Variants in EPPK1 observed in about 807,000 individuals in gnomAD.
EPPK1 encodes the protein epiplakin 1.
For synonymous variants in EPPK1, 1,862 were observed against 1,721.2 expected (o/e 1.08, Z -2.03); for missense variants, 3,823 against 3,673.3 (o/e 1.04, Z -1.05).
Position 143,866,802 on chromosome 8 carries a change from A to C in EPPK1, c.6452T>G (p.Leu2151Arg). The change falls in exon 2 of 2, where the codon CTG (leucine) becomes CGG (arginine). Residue 2151 changes from leucine (L) to arginine (R), a missense_variant. Coordinates refer to ENST00000615648, the MANE Select transcript of EPPK1 (RefSeq NM_031308.4). ...RMYRTHTRRALQTVAQLILEL... is the reference protein window; with the variant it reads ...RMYRTHTRRARQTVAQLILEL... Reference sequence around the variant, plus strand: ...TAAGATGAGCTGCGCTACCGTCTGCAGTGCCCGTCTGGTGTGTGTTCTATA... The same window carrying C: ...TAAGATGAGCTGCGCTACCGTCTGCCGTGCCCGTCTGGTGTGTGTTCTATA... 6.2e-7 allele frequency: 1 copy of C among 1,613,428 alleles called. No homozygotes were observed. The highest frequency in any genetic ancestry group is 1.1e-5 in the South Asian group (1 of 91,078).
Position 143,869,318 on chromosome 8 carries a change from C to T in EPPK1, c.3936G>A (p.Glu1312=), listed in dbSNP as rs1554660302. The change falls in exon 2 of 2, where the codon GAG becomes GAA. Residue 1312 remains glutamate, a synonymous_variant. Transcript: ENST00000615648. ...DAVKVGLVGR[E]LSEQLGQAER... ...CGGCCTGCCCGAGCTGCTCACTCAG[C>T]TCCCTGCCCACCAGGCCGACCTTAA... The T allele has an allele frequency of 6.2e-7, 1 of 1,606,274 alleles. No homozygotes were observed. The highest frequency in any genetic ancestry group is 1.1e-5 in the South Asian group (1 of 90,332).
rs35186960 is a variant in EPPK1, at chr8:143,857,896, C to CAAAAAAAA, written c.*83_*90dup. ...GTAAAACAACAAAATTAAAGAATGA[C>CAAAAAAAA]AAAAAAAAAAAAAAAAAAAAAAACA... is the stretch of plus-strand genomic sequence containing the variant. On this transcript the variant is annotated 3_prime_UTR_variant, in exon 2 of 2. Coordinates refer to ENST00000615648, the MANE Select transcript of EPPK1 (RefSeq NM_031308.4). The CAAAAAAAA allele has an allele frequency of 1.1e-4, 47 of 437,880 alleles. No individual in the cohort carries two copies. The highest frequency in any genetic ancestry group is 3.9e-4 in the South Asian group (9 of 22,890). 27.1% of individuals were successfully genotyped at this position (437,880 alleles called of 1,614,324 possible).
Position 143,867,546 on chromosome 8 carries a change from G to C in EPPK1, c.5708C>G (p.Thr1903Arg). The change falls in exon 2 of 2, where the codon ACG (threonine) becomes AGG (arginine). Residue 1903 changes from threonine (T) to arginine (R), a missense_variant. Thr to Arg is a moderately conservative substitution (Grantham distance 71). Coordinates refer to ENST00000615648, the MANE Select transcript of EPPK1 (RefSeq NM_031308.4). ...CATGACCTCCCTGGTGGAGGGCACCGTGACCCCCGCAATGCAGCCGCTGCC... is the reference window on the plus strand; with the variant it reads ...CATGACCTCCCTGGTGGAGGGCACCCTGACCCCCGCAATGCAGCCGCTGCC... ...LEGSGCIAGV[T>R]VPSTREVMSL... 2 of 1,612,626 alleles carry C rather than the reference G, an allele frequency of 1.2e-6. No individual in the cohort carries two copies. Among genetic ancestry groups the C allele is most frequent in the Non-Finnish European group, 1.7e-6 (2 of 1,179,802 alleles).
Position 143,868,052 on chromosome 8 carries a change from G to A in EPPK1, c.5202C>T (p.His1734=), listed in dbSNP as rs200173209. 3.2e-5 allele frequency: 51 copies of A among 1,613,648 alleles called. No homozygotes were observed. The highest frequency in any genetic ancestry group is 3.3e-4 in the Middle Eastern group (2 of 6,062). ...GAAGCTGCAGGTACGTGAGGTTCTC[G>A]TGCGTGTTGGGGTCGAAGAAGCCCT... ...DTKGFFDPNT[H]ENLTYLQLLE... Residue 1734 remains histidine, a synonymous_variant, in exon 2 of 2, where the codon CAC becomes CAT. Coordinates refer to ENST00000615648, the MANE Select transcript of EPPK1 (RefSeq NM_031308.4).
chr8:143,857,887 A>T lies in EPPK1; in HGVS notation c.*100T>A. 2.3e-6 allele frequency: 2 copies of T among 877,080 alleles called. No homozygotes were observed. Among genetic ancestry groups the T allele is most frequent in the Non-Finnish European group, 1.6e-6 (1 of 606,174 alleles). The allele number at this position is 877,080 out of a possible 1,614,324, so 54.3% of individuals were successfully genotyped here. A position where few individuals can be genotyped will look rare whatever the true frequency, so the allele number is the denominator to read the frequency against. ...AACGAATGGGTAAAACAACAAAATT[A>T]AAGAATGACAAAAAAAAAAAAAAAA... On this transcript the variant is annotated 3_prime_UTR_variant, in exon 2 of 2. Transcript: ENST00000615648.
At position 143,867,260 on chromosome 8, in the gene EPPK1, G is replaced by C. The variant is rs373165682; in HGVS notation, c.5994C>G (p.Ile1998Met). The change falls in exon 2 of 2, where the codon ATC (isoleucine) becomes ATG (methionine). Residue 1998 changes from isoleucine (I) to methionine (M), a missense_variant. Ile to Met is a conservative substitution (Grantham distance 10, BLOSUM62 1). Coordinates refer to ENST00000615648, the MANE Select transcript of EPPK1 (RefSeq NM_031308.4). Reference protein sequence around the residue: ...PLFQAMQKQLIEKAEALRLLE... With the variant: ...PLFQAMQKQLMEKAEALRLLE... The stretch of plus-strand genomic sequence containing the variant: ...GCAGCCTCAGTGCCTCCGCCTTCTC[G>C]ATGAGCTGCTTCTGCATGGCCTGGA... 3 of 1,612,386 alleles carry C rather than the reference G, an allele frequency of 1.9e-6. No homozygotes were observed. Among genetic ancestry groups the C allele is most frequent in the Admixed American group, 3.3e-5 (2 of 59,980 alleles).
At chr8:143,874,694 G>A (rs1389491899) in intron 1 of EPPK1, among the ~76,000 whole-genome samples, 3 of 151,856 alleles carry the variant, frequency 2.0e-5, no homozygotes, top group South Asian at 2.1e-4. Flanking sequence ...GCACCCCTGT[G>A]CCCACCCACC....
At chr8:143,876,924 G>A (rs1402517918) in intron 1 of EPPK1, among the ~76,000 whole-genome samples, 2 of 152,214 alleles carry the variant, frequency 1.3e-5, no homozygotes, top group African/African-American at 4.8e-5. Context: ...ACAGCACCTT[G>A]GGCGGGCCCC....
At position 143,870,391 on chromosome 8, in the gene EPPK1, G is replaced by A. The variant is rs782741990; in HGVS notation, c.2863C>T (p.Leu955=). ...AGGGCCAGGGCCACCCTGGGCCCCA[G>A]CAGCTTCTGCCTCATGGCCTGGTAG... ...SLYQAMRQKL[L]GPRVALALLE... The change falls in exon 2 of 2, where the codon CTG becomes TTG. Residue 955 remains leucine, a synonymous_variant. Transcript: ENST00000615648. This position sits in a 1 kb window ranked among gnomAD's most constrained non-coding sequence, Gnocchi z 5.2. 2 of 1,575,632 alleles carry A rather than the reference G, an allele frequency of 1.3e-6. No individual in the cohort carries two copies. The highest frequency in any genetic ancestry group is 1.7e-6 in the Non-Finnish European group (2 of 1,166,522).
At position 143,873,101 on chromosome 8, in the gene EPPK1, C is replaced by T. The variant is rs371819951; in HGVS notation, c.153G>A (p.Ser51=). ...CGGCGTAGACACTCTGGGCCTGGCCCGAGGCCTCCACATACACCCCAGCTA... is the reference window on the plus strand; with the variant it reads ...CGGCGTAGACACTCTGGGCCTGGCCTGAGGCCTCCACATACACCCCAGCTA... ...RSIAGVYVEA[S]GQAQSVYAAM... Residue 51 remains serine, a synonymous_variant, in exon 2 of 2, where the codon TCG becomes TCA. Coordinates refer to ENST00000615648, the MANE Select transcript of EPPK1 (RefSeq NM_031308.4). 9 of 1,555,980 alleles carry T rather than the reference C, an allele frequency of 5.8e-6. No individual in the cohort carries two copies. Among genetic ancestry groups the T allele is most frequent in the East Asian group, 4.5e-5 (2 of 44,302 alleles).
rs527750738 is a variant in EPPK1, at chr8:143,872,402, G to C, written c.852C>G (p.Thr284=). ...GCAGGACAACCCCGGCCACGCTGCC[G>C]GTACCCTCCAGGTAGCGCCGCACCT... is the stretch of plus-strand genomic sequence containing the variant. ...RAEVRRYLEG[T]GSVAGVVLLP... Residue 284 remains threonine (T), a synonymous_variant, in exon 2 of 2, where the codon ACC becomes ACG. Coordinates refer to ENST00000615648, the MANE Select transcript of EPPK1 (RefSeq NM_031308.4). The C allele has an allele frequency of 1.2e-6, 2 of 1,602,530 alleles. No individual in the cohort carries two copies. Among genetic ancestry groups the C allele is most frequent in the African/African-American group, 2.7e-5 (2 of 74,902 alleles).
rs1195825609 is a variant in EPPK1, at chr8:143,878,447, C to T, written c.-55G>A. On this transcript the variant is annotated 5_prime_UTR_variant, in exon 1 of 2. Transcript: ENST00000615648. Reference sequence around the variant, plus strand: ...GCCGCACCCGCCGCACCTGCCCGCTCGCCGCTCGGTCCGCAGTGTCTCCGC... The same window carrying T: ...GCCGCACCCGCCGCACCTGCCCGCTTGCCGCTCGGTCCGCAGTGTCTCCGC... The T allele has an allele frequency of 2.7e-5, 4 of 149,326 alleles. No individual in the cohort carries two copies. The highest frequency in any genetic ancestry group is 1.8e-4 in the South Asian group (1 of 5,674). The allele number at this position is 149,326 out of a possible 1,614,324, so 9.3% of individuals were successfully genotyped here. A position where few individuals can be genotyped will look rare whatever the true frequency, so the allele number is the denominator to read the frequency against.
chr8:143,870,650 C>T lies in EPPK1; in HGVS notation c.2604G>A (p.Leu868=), dbSNP rs1819312845. 6.2e-7 allele frequency: 1 copy of T among 1,607,132 alleles called. No homozygotes were observed. Among genetic ancestry groups the T allele is most frequent in the Non-Finnish European group, 8.5e-7 (1 of 1,177,672 alleles). Residue 868 remains leucine, a synonymous_variant, in exon 2 of 2, where the codon CTG becomes CTA. Transcript: ENST00000615648. The surrounding 1 kb of genome is among the most constrained non-coding windows in gnomAD (Gnocchi z 5.2). ...CCGCCTGTCTCTGCGTCTCCGCCTC[C>T]AGCAGCTTTGCCACCTGCCCCAGCG... is the stretch of plus-strand genomic sequence containing the variant. ...EVTLGQVAKL[L]EAETQRQADI...
chr8:143,868,191 C>A lies in EPPK1; in HGVS notation c.5063G>T (p.Gly1688Val), dbSNP rs111717556. Residue 1688 changes from glycine (G) to valine (V), a missense_variant, in exon 2 of 2, where the codon GGC becomes GTC. Gly to Val is a moderately radical substitution (Grantham distance 109). Coordinates refer to ENST00000615648, the MANE Select transcript of EPPK1 (RefSeq NM_031308.4). ...IRLLEAQIAT[G>V]GIIDPVHSHR... ...GCTGTGCACGGGGTCGATGATGCCG[C>A]CCGTGGCGATCTGGGCCTCCAGCAG... 6.2e-7 allele frequency: 1 copy of A among 1,613,064 alleles called. No individual in the cohort carries two copies.
chr8:143,871,529 G>T lies in EPPK1; in HGVS notation c.1725C>A (p.Ala575=). The part of the protein sequence containing the change: ...DTVTPGELLK[A]EIIDQDLYER... Reference sequence around the variant, plus strand: ...CGTACAGGTCCTGGTCGATGATCTCGGCTTTCAGCAGCTCTCCTGGTGTCA... The same window carrying T: ...CGTACAGGTCCTGGTCGATGATCTCTGCTTTCAGCAGCTCTCCTGGTGTCA... The change falls in exon 2 of 2, where the codon GCC becomes GCA. Residue 575 remains alanine (A), a synonymous_variant. Coordinates refer to ENST00000615648, the MANE Select transcript of EPPK1 (RefSeq NM_031308.4). The T allele has an allele frequency of 6.2e-7, 1 of 1,609,966 alleles. No individual in the cohort carries two copies.
intron 1 of EPPK1, among the ~76,000 whole-genome samples, chr8:143,874,160 G>A (rs949449703): frequency 2.0e-5 from 3 of 152,126 alleles, no homozygotes; most frequent in African/African-American, 4.8e-5. Flanking sequence ...CTGCAGCCCC[G>A]GCATGCCCTG....
Position 143,868,059 on chromosome 8 carries a change from T to C in EPPK1, c.5195A>G (p.Asn1732Ser). 10 of 1,613,626 alleles carry C rather than the reference T, an allele frequency of 6.2e-6. No individual in the cohort carries two copies. The highest frequency in any genetic ancestry group is 1.3e-5 in the African/African-American group (1 of 75,052). ...SDDTKGFFDP[N>S]THENLTYLQL... ...CAGGTACGTGAGGTTCTCGTGCGTG[T>C]TGGGGTCGAAGAAGCCCTTGGTGTC... Residue 1732 changes from asparagine to serine, a missense_variant, in exon 2 of 2, where the codon AAC becomes AGC. Coordinates refer to ENST00000615648, the MANE Select transcript of EPPK1 (RefSeq NM_031308.4).
Position 143,867,951 on chromosome 8 carries a change from T to G in EPPK1, c.5303A>C (p.Tyr1768Ser), listed in dbSNP as rs376292800. Reference protein sequence around the residue: ...QIIKKGENYVYINEATRHVLQ... With the variant: ...QIIKKGENYVSINEATRHVLQ... Reference sequence around the variant, plus strand: ...CACGTGTCTCGTGGCCTCATTGATGTACACGTAGTTTTCTCCTTTCTTTAT... The same window carrying G: ...CACGTGTCTCGTGGCCTCATTGATGGACACGTAGTTTTCTCCTTTCTTTAT... The change falls in exon 2 of 2, where the codon TAC becomes TCC. Residue 1768 changes from tyrosine to serine, a missense_variant. By Grantham distance (144) the Tyr-to-Ser change is moderately radical. Transcript: ENST00000615648. The G allele has an allele frequency of 1.1e-5, 18 of 1,613,558 alleles. No individual in the cohort carries two copies. Among genetic ancestry groups the G allele is most frequent in the African/African-American group, 1.3e-5 (1 of 74,916 alleles).
Position 143,869,844 on chromosome 8 carries a change from C to T in EPPK1, c.3410G>A (p.Gly1137Glu), listed in dbSNP as rs782060237. 2.5e-6 allele frequency: 4 copies of T among 1,598,550 alleles called. No homozygotes were observed. In the African/African-American group the frequency reaches 5.4e-5, roughly 21 times the overall value. Residue 1137 changes from glycine (G) to glutamate (E), a missense_variant, in exon 2 of 2, where the codon GGG becomes GAG. Transcript: ENST00000615648. ...QVQRSLQAVP[G>E]AKDGTSLWDL... Reference sequence around the variant, plus strand: ...CCAGAGGGATGTGCCATCCTTGGCCCCCGGCACGGCCTGCAGGCTCCTCTG... The same window carrying T: ...CCAGAGGGATGTGCCATCCTTGGCCTCCGGCACGGCCTGCAGGCTCCTCTG...
Sources: allele counts gnomAD v4.1 joint callset (sites outside exome capture counted in the v4.1 genomes callset), GRCh38; gene constraint gnomAD v4.1.1; non-coding constraint Gnocchi (gnomAD v3.1); transcripts MANE v1.5; gene names NCBI Gene and HGNC (gene_info 2026-07-23, HGNC 2026-07-21).